Variants in PIP4K2A observed in about 807,000 individuals in gnomAD.
PIP4K2A encodes phosphatidylinositol 5-phosphate 4-kinase type-2 alpha.
A neutral mutation model predicts 42.9 loss-of-function variants in PIP4K2A; 14 were observed. That is an observed-to-expected ratio of 0.33 (90% CI 0.22 to 0.51). The LOEUF (loss-of-function observed/expected upper bound fraction) is 0.51. Ranked by LOEUF, PIP4K2A falls within the 20% of genes least tolerant of loss-of-function variation. The pLI is 0.97. For synonymous variants in PIP4K2A, 192 were observed against 192.2 expected (o/e 1.00, Z 0.01); for missense variants, 434 against 519.8 (o/e 0.83, Z 1.61).
chr10:22,552,739 C>T (rs766956981), intron 6 of PIP4K2A, among the ~76,000 whole-genome samples: 5 of 152,102 alleles, frequency 3.3e-5, no homozygotes, highest in Non-Finnish European at 5.9e-5. Flanking sequence ...GGAGAAGGAT[C>T]GTAATTTTCC....
chr10:22,587,197 A>G (rs868109409), intron 4 of PIP4K2A, among the ~76,000 whole-genome samples: 6 of 152,308 alleles, frequency 3.9e-5, no homozygotes, highest in Middle Eastern at 3.4e-3. Flanking sequence ...TATAATTCCA[A>G]CTGTGGCTGC....
intron 1 of PIP4K2A, among the ~76,000 whole-genome samples, chr10:22,652,804 T>C (rs1295674607): frequency 6.6e-6 from 1 of 152,168 alleles, no homozygotes; most frequent in Non-Finnish European, 1.5e-5. Context: ...CTTGAAACGT[T>C]TATGAAGGGT....
intron 1 of PIP4K2A, among the ~76,000 whole-genome samples, chr10:22,643,352 T>C (rs1838817988): frequency 6.6e-6 from 1 of 152,180 alleles, no homozygotes; most frequent in Non-Finnish European, 1.5e-5. Flanking sequence ...TGATAGAAGT[T>C]TGAGTCACTG....
Position 22,708,064 on chromosome 10 carries a change from G to C in PIP4K2A, c.144+6119C>G, listed in dbSNP as rs77758375. Reference sequence around the variant, plus strand: ...GAAAGAGGGAAACAAATCTGGTTAGGAGTGACAGAAGTGAGAATGGAAACG... The same window carrying C: ...GAAAGAGGGAAACAAATCTGGTTAGCAGTGACAGAAGTGAGAATGGAAACG... On this transcript the variant is annotated intron_variant, in intron 1 of 9. Transcript: ENST00000376573. Among the ~76,000 whole-genome samples the C allele has an allele frequency of 3.3e-5, 5 of 152,268 alleles. No homozygotes were observed. In the East Asian group the frequency reaches 7.7e-4, roughly 24 times the overall value.
At chr10:22,544,922 G>T (rs558400932) in intron 7 of PIP4K2A, among the ~76,000 whole-genome samples, 143 of 152,274 alleles carry the variant, frequency 9.4e-4, no homozygotes, top group African/African-American at 3.3e-3. Context: ...CCAGAGTCTG[G>T]GTGTTTAGGG....
At chr10:22,648,348 C>T (rs1045461591) in intron 1 of PIP4K2A, among the ~76,000 whole-genome samples, 3 of 152,152 alleles carry the variant, frequency 2.0e-5, no homozygotes, top group Admixed American at 2.0e-4. Context: ...TCTGTGACTC[C>T]TTTATTAGCT....
At chr10:22,614,194 C>G (rs1838119840) in intron 1 of PIP4K2A, among the ~76,000 whole-genome samples, 1 of 152,102 alleles carries the variant, frequency 6.6e-6, no homozygotes, top group Admixed American at 6.5e-5. Context: ...CCAGACTACC[C>G]CAAGAGGTAG....
chr10:22,628,987 C>T (rs1478119363), intron 1 of PIP4K2A, among the ~76,000 whole-genome samples: 3 of 152,182 alleles, frequency 2.0e-5, no homozygotes, highest in Non-Finnish European at 4.4e-5. Flanking sequence ...TTGGAACACC[C>T]TTGGCCTACA....
chr10:22,649,664 C>G (rs1221325002), intron 1 of PIP4K2A, among the ~76,000 whole-genome samples: 2 of 152,200 alleles, frequency 1.3e-5, no homozygotes, highest in African/African-American at 4.8e-5. Flanking sequence ...CTTAGCTCAC[C>G]TCCAAGGGAG....
chr10:22,673,178 C>G (rs1254710426), intron 1 of PIP4K2A, among the ~76,000 whole-genome samples: 1 of 152,222 alleles, frequency 6.6e-6, no homozygotes. Context: ...TCCAGGAAGT[C>G]TTTCCCATTA....
At position 22,542,015 on chromosome 10, in the gene PIP4K2A, A is replaced by G. The variant is rs1388520705; in HGVS notation, c.825T>C (p.Ser275=). Residue 275 remains serine, a synonymous_variant, in exon 8 of 10, where the codon AGT becomes AGC. Transcript: ENST00000376573. ...FLAQLKLMDY[S]LLVGIHDVER... is the part of the protein sequence containing the mutation. ...CCACATCATGAATTCCCACCAGCAG[A>G]CTGTAGTCCATGAGCTTCAGCTGGG... 6.2e-7 allele frequency: 1 copy of G among 1,612,630 alleles called. No homozygotes were observed. The highest frequency in any genetic ancestry group is 1.7e-5 in the Admixed American group (1 of 59,848).
At chr10:22,660,938 C>T (rs145976081) in intron 1 of PIP4K2A, among the ~76,000 whole-genome samples, 207 of 152,168 alleles carry the variant, frequency 1.4e-3, no homozygotes, top group African/African-American at 4.6e-3. Context: ...TCGGTGATAA[C>T]GACGTGTCAA....
At chr10:22,689,399 A>G (rs964551174) in intron 1 of PIP4K2A, among the ~76,000 whole-genome samples, 14 of 152,208 alleles carry the variant, frequency 9.2e-5, no homozygotes, top group African/African-American at 2.7e-4. Flanking sequence ...ATCCGATGGA[A>G]AATGTAACTA....
intron 1 of PIP4K2A, among the ~76,000 whole-genome samples, chr10:22,646,769 T>A (rs1838893168): frequency 6.6e-6 from 1 of 152,194 alleles, no homozygotes; most frequent in African/African-American, 2.4e-5. Context: ...CTGTGGAGTC[T>A]GAGAGTCAGG....
chr10:22,536,982 A>T lies in PIP4K2A; in HGVS notation c.*219T>A. 2.5e-6 allele frequency: 1 copy of T among 400,512 alleles called. No homozygotes were observed. Among genetic ancestry groups the T allele is most frequent in the Non-Finnish European group, 4.6e-6 (1 of 217,178 alleles). 24.8% of individuals were successfully genotyped at this position (400,512 alleles called of 1,614,324 possible). A position where few individuals can be genotyped will look rare whatever the true frequency, so the allele number is the denominator to read the frequency against. On this transcript the variant is annotated 3_prime_UTR_variant, in exon 10 of 10. Transcript: ENST00000376573. ...ACCCCCCCCCAACACACACACACAC[A>T]CATATACACAAAGTCAGAAATAGCT...
chr10:22,574,655 T>C (rs2130797841), intron 4 of PIP4K2A, among the ~76,000 whole-genome samples: 1 of 152,336 alleles, frequency 6.6e-6, no homozygotes. Context: ...TTGGCAAGTT[T>C]TAAAGATGCC....
chr10:22,547,467 G>A (rs74123082), intron 7 of PIP4K2A, among the ~76,000 whole-genome samples: 215 of 152,256 alleles, frequency 1.4e-3, no homozygotes, highest in African/African-American at 5.0e-3. Context: ...CTAGGGTAGG[G>A]GCAGGACCAC....
rs1554807299 is a variant in PIP4K2A at position 22,664,166 on chromosome 10, T to TATATAC, written c.144+50016_144+50017insGTATAT. On this transcript the variant is annotated intron_variant, in intron 1 of 9. Coordinates refer to ENST00000376573, the MANE Select transcript of PIP4K2A (RefSeq NM_005028.5). ...ACATATATATACACATATATATATA[T>TATATAC]ACATATATATATATACATATATATA... Among the ~76,000 whole-genome samples, 8 of 67,282 alleles carry TATATAC rather than the reference T, an allele frequency of 1.2e-4. 1 individual carries two copies. Among genetic ancestry groups the TATATAC allele is most frequent in the East Asian group, 5.5e-4 (2 of 3,662 alleles). The allele number at this position is 67,282 out of a possible 152,430, so 44.1% of individuals were successfully genotyped here. A position where few individuals can be genotyped will look rare whatever the true frequency, so the allele number is the denominator to read the frequency against.
At chr10:22,585,415 C>G (rs1449734455) in intron 4 of PIP4K2A, among the ~76,000 whole-genome samples, 1 of 152,070 alleles carries the variant, frequency 6.6e-6, no homozygotes, top group Non-Finnish European at 1.5e-5. Flanking sequence ...CGTTTTTTAT[C>G]AATTTTACCC....
Sources: gnomAD v4.1 joint callset for allele counts (sites outside exome capture counted in the v4.1 genomes callset) on GRCh38, gnomAD v4.1.1 for gene constraint, MANE v1.5 for transcripts, NCBI Gene and HGNC (gene_info 2026-07-23, HGNC 2026-07-21) for gene names.